FBXL7: variants seen among roughly 807,000 people sequenced by gnomAD.
FBXL7 encodes the protein F-box/LRR-repeat protein 7.
Under a neutral mutation model 38.3 loss-of-function variants are expected in FBXL7, and 12 were observed. That is an observed-to-expected ratio of 0.31 (90% CI 0.20 to 0.51). The LOEUF is 0.51. FBXL7 is among the 20% of genes least tolerant of loss of function. The pLI is 0.98. For synonymous variants in FBXL7, 297 were observed against 300.9 expected (o/e 0.99, Z 0.13); for missense variants, 567 against 676.4 (o/e 0.84, Z 1.79).
intron 2 of FBXL7, among the ~76,000 whole-genome samples, chr5:15,714,428 T>G (rs1743973382): frequency 6.6e-6 from 1 of 152,054 alleles, no homozygotes; most frequent in Non-Finnish European, 1.5e-5. Context: ...CTCTTTTCTT[T>G]ATAAATTACC....
chr5:15,629,646 C>T (rs1270101224), intron 2 of FBXL7, among the ~76,000 whole-genome samples: 3 of 152,090 alleles, frequency 2.0e-5, no homozygotes, highest in Non-Finnish European at 2.9e-5. Flanking sequence ...ATGCTTCCTG[C>T]GATGCCTCAA....
intron 1 of FBXL7, among the ~76,000 whole-genome samples, chr5:15,614,925 T>C (rs1201797865): frequency 6.6e-6 from 1 of 152,182 alleles, no homozygotes; most frequent in Non-Finnish European, 1.5e-5. Flanking sequence ...ATATGCCTTG[T>C]CATTAATTTA....
rs1385976151 is a variant in FBXL7, at chr5:15,938,598, A to G, written c.*1412A>G. 1 of 161,768 alleles carries G rather than the reference A, an allele frequency of 6.2e-6. No homozygotes were observed. Among genetic ancestry groups the G allele is most frequent in the East Asian group, 1.7e-4 (1 of 5,744 alleles). 10.0% of individuals were successfully genotyped at this position (161,768 alleles called of 1,614,324 possible). A position where few individuals can be genotyped will look rare whatever the true frequency, so the allele number is the denominator to read the frequency against. Reference sequence around the variant, plus strand: ...TTTTCCACCAAAGAATGCAAAGCAGACTTCCAGGTGTTTAAATTCTGTTCA... The same window carrying G: ...TTTTCCACCAAAGAATGCAAAGCAGGCTTCCAGGTGTTTAAATTCTGTTCA... On this transcript the variant is annotated 3_prime_UTR_variant, in exon 4 of 4. Coordinates refer to ENST00000504595, the MANE Select transcript of FBXL7 (RefSeq NM_012304.5).
intron 2 of FBXL7, among the ~76,000 whole-genome samples, chr5:15,780,848 C>G (rs1736972504): frequency 1.3e-5 from 2 of 152,230 alleles, no homozygotes; most frequent in Admixed American, 1.3e-4. Context: ...ATTTGGCCAC[C>G]ACCAAAAGCT....
intron 2 of FBXL7, among the ~76,000 whole-genome samples, chr5:15,925,915 T>C (rs141886597): frequency 4.6e-5 from 7 of 152,344 alleles, no homozygotes; most frequent in South Asian, 2.1e-4. Context: ...TTCTGTTTTT[T>C]ACTTTCAGTA....
At chr5:15,627,652 T>G (rs1469737090) in intron 2 of FBXL7, among the ~76,000 whole-genome samples, 3 of 152,180 alleles carry the variant, frequency 2.0e-5, no homozygotes, top group Admixed American at 6.5e-5. Context: ...CGAACTTTCT[T>G]TAGTGTACTG....
intron 2 of FBXL7, among the ~76,000 whole-genome samples, chr5:15,746,723 T>A (rs929638637): frequency 1.2e-4 from 18 of 152,164 alleles, no homozygotes; most frequent in Admixed American, 4.6e-4. Context: ...ATGGACTAGA[T>A]AAGACCATCT....
intron 2 of FBXL7, among the ~76,000 whole-genome samples, chr5:15,851,623 A>G (rs1561152077): frequency 6.6e-6 from 1 of 152,152 alleles, no homozygotes; most frequent in African/African-American, 2.4e-5. Flanking sequence ...CTAAATCCAT[A>G]TAAATTAAAT....
At chr5:15,776,535 T>C (rs1325942634) in intron 2 of FBXL7, among the ~76,000 whole-genome samples, 1 of 152,148 alleles carries the variant, frequency 6.6e-6, no homozygotes, top group Non-Finnish European at 1.5e-5. Flanking sequence ...TGCAAGTTTA[T>C]ATCTGAACAA....
chr5:15,782,033 C>T (rs1385928906), intron 2 of FBXL7, among the ~76,000 whole-genome samples: 1 of 152,006 alleles, frequency 6.6e-6, no homozygotes, highest in Non-Finnish European at 1.5e-5. Flanking sequence ...TTCCTGTGCC[C>T]GTATGTTCTC....
intron 2 of FBXL7, among the ~76,000 whole-genome samples, chr5:15,925,030 A>C (rs1379522035): frequency 6.6e-6 from 1 of 152,186 alleles, no homozygotes; most frequent in Non-Finnish European, 1.5e-5. Context: ...AAAGCAAGTC[A>C]CATGGACAAG....
At chr5:15,747,704 A>C (rs1208059582) in intron 2 of FBXL7, among the ~76,000 whole-genome samples, 1 of 152,208 alleles carries the variant, frequency 6.6e-6, no homozygotes, top group Non-Finnish European at 1.5e-5. Context: ...ATACGGACCC[A>C]ACATAAGATG....
At chr5:15,664,939 G>A (rs571115103) in intron 2 of FBXL7, among the ~76,000 whole-genome samples, 8 of 151,734 alleles carry the variant, frequency 5.3e-5, no homozygotes, top group African/African-American at 1.9e-4. Context: ...GTTTTCACAG[G>A]TATAGGATTC....
chr5:15,602,149 C>T (rs953062174), intron 1 of FBXL7: 3 of 152,042 alleles, frequency 2.0e-5, no homozygotes, highest in Non-Finnish European at 4.4e-5. Context: ...GGAGCATGGC[C>T]CTGATGACAC....
intron 2 of FBXL7, among the ~76,000 whole-genome samples, chr5:15,632,730 C>A (rs1288258340): frequency 1.3e-5 from 2 of 152,078 alleles, no homozygotes; most frequent in African/African-American, 2.4e-5. Context: ...AACATGGATG[C>A]AACTGAAGGC....
chr5:15,550,452 G>A (rs758966699), intron 1 of FBXL7, among the ~76,000 whole-genome samples: 21 of 152,120 alleles, frequency 1.4e-4, no homozygotes, highest in Non-Finnish European at 2.1e-4. Context: ...ATAGACTTCT[G>A]GAAGGCGCTG....
chr5:15,651,636 C>T lies in FBXL7; in HGVS notation c.127+35564C>T, dbSNP rs111331366. On this transcript the variant is annotated intron_variant, in intron 2 of 3. Transcript: ENST00000504595. ...AGTAAACTATACTAAACAGATGTGC[C>T]GTTATTCAGCTTTGTTGTTTCATTT... is the stretch of plus-strand genomic sequence containing the variant. Among the ~76,000 whole-genome samples the T allele has an allele frequency of 2.4e-3, 365 of 152,236 alleles. 2 individuals carry two copies. The highest frequency in any genetic ancestry group is 8.2e-3 in the African/African-American group (342 of 41,542).
intron 1 of FBXL7, among the ~76,000 whole-genome samples, chr5:15,564,378 C>CTTAATATCTGTG (rs1554006088): frequency 6.8e-6 from 1 of 147,402 alleles, no homozygotes; most frequent in Non-Finnish European, 1.5e-5. Context: ...TCAGTAATAT[C>CTTAATATCTGTG]TGTGTGTGTG....
intron 2 of FBXL7, among the ~76,000 whole-genome samples, chr5:15,743,356 TA>T (rs1735938091): frequency 6.6e-6 from 1 of 152,206 alleles, no homozygotes; most frequent in African/African-American, 2.4e-5. Context: ...AGAAAATGGC[TA>T]AAACAAAGGG....
Sources: allele counts gnomAD v4.1 joint callset (sites outside exome capture counted in the v4.1 genomes callset), GRCh38; gene constraint gnomAD v4.1.1; transcripts MANE v1.5; gene names NCBI Gene and HGNC (gene_info 2026-07-23, HGNC 2026-07-21).